PINK1: variants seen among roughly 807,000 people sequenced by gnomAD.
The protein encoded by PINK1 is serine/threonine-protein kinase PINK1, mitochondrial.
A neutral mutation model predicts 56.0 loss-of-function variants in PINK1; 58 were observed. The ratio of observed to expected loss-of-function variants is 1.04; its 90% CI spans 0.84 to 1.29. PINK1 has a LOEUF of 1.29. Among genes scored for constraint, PINK1 ranks in the 50% most tolerant of loss-of-function variants. The pLI is 0.00. For synonymous variants in PINK1, 354 were observed against 339.3 expected (o/e 1.04, Z -0.48); for missense variants, 745 against 777.9 (o/e 0.96, Z 0.50).
In PINK1 at chr1:20,650,663, T is replaced by C. The variant is rs757102843; in HGVS notation, c.1718T>C (p.Leu573Pro). ...GAAACGCTCTGCCAGGCAGCCCTCC[T>C]CCTCTGCTCATGGAGGGCAGCCCTG... ...ECETLCQAAL[L>P]LCSWRAAL The change falls in exon 8 of 8, where the codon CTC (leucine) becomes CCC (proline). Residue 573 changes from leucine to proline, a missense_variant. Leu to Pro is a moderately conservative substitution (Grantham distance 98). Coordinates refer to ENST00000321556, the MANE Select transcript of PINK1 (RefSeq NM_032409.3). 6.2e-7 allele frequency: 1 copy of C among 1,614,058 alleles called. No homozygotes were observed. The highest frequency in any genetic ancestry group is 8.5e-7 in the Non-Finnish European group (1 of 1,180,020).
At chr1:20,635,590 T>C (rs1236213691) in intron 1 of PINK1, among the ~76,000 whole-genome samples, 1 of 151,882 alleles carries the variant, frequency 6.6e-6, no homozygotes, top group Non-Finnish European at 1.5e-5. Context: ...GGCTCATGCC[T>C]GTAATCTCAG....
chr1:20,648,615 T>C lies in PINK1; in HGVS notation c.1234T>C (p.Cys412Arg). Reference sequence around the variant, plus strand: ...GTACGTGGATCGGGGCGGAAACGGCTGTCTGATGGCCCCAGAGGTGAGTCC... The same window carrying C: ...GTACGTGGATCGGGGCGGAAACGGCCGTCTGATGGCCCCAGAGGTGAGTCC... ...SWYVDRGGNG[C>R]LMAPEVSTAR... is the part of the protein sequence containing the mutation. Residue 412 changes from cysteine to arginine, a missense_variant, in exon 6 of 8, where the codon TGT (cysteine) becomes CGT (arginine). Physicochemically the swap from Cys to Arg is radical, Grantham distance 180 (BLOSUM62 -3). Coordinates refer to ENST00000321556, the MANE Select transcript of PINK1 (RefSeq NM_032409.3). The C allele has an allele frequency of 1.2e-6, 2 of 1,614,014 alleles. No individual in the cohort carries two copies. Among genetic ancestry groups the C allele is most frequent in the Non-Finnish European group, 1.7e-6 (2 of 1,180,040 alleles).
At chr1:20,640,396 T>TA (rs1462290136) in intron 3 of PINK1, among the ~76,000 whole-genome samples, 13 of 138,760 alleles carry the variant, frequency 9.4e-5, no homozygotes, top group Middle Eastern at 3.6e-3. Context: ...CCAAGAGATT[T>TA]TAAAAAAAAC....
intron 1 of PINK1, 47 bp from the exon 2 acceptor site, chr1:20,637,795 G>A (rs1012662938): frequency 6.2e-6 from 10 of 1,608,042 alleles, no homozygotes; most frequent in Non-Finnish European, 8.5e-6. Flanking sequence ...CTTTTCTTGG[G>A]CCTTCCTAGG....
rs775311318 is a variant in PINK1 at position 20,649,201 on chromosome 1, G to A, written c.1458G>A (p.Val486=). The A allele has an allele frequency of 7.4e-6, 12 of 1,614,170 alleles. No homozygotes were observed. The South Asian group carries it at 1.3e-4, about 18-fold the overall frequency. The change falls in exon 7 of 8, where the codon GTG becomes GTA. Residue 486 remains valine, a synonymous_variant. Coordinates refer to ENST00000321556, the MANE Select transcript of PINK1 (RefSeq NM_032409.3). ...ESVPPDVRQL[V]RALLQREASK... Reference sequence around the variant, plus strand: ...TGCCTCCAGACGTGAGACAGTTGGTGAGGGCACTGCTCCAGCGAGAGGCCA... The same window carrying A: ...TGCCTCCAGACGTGAGACAGTTGGTAAGGGCACTGCTCCAGCGAGAGGCCA...
chr1:20,650,064 C>T, intron 7 of PINK1: 1 of 352,218 alleles, frequency 2.8e-6, no homozygotes. Context: ...CTGTACGTGG[C>T]CTGCTATCTT....
chr1:20,637,824 A>G lies in PINK1; in HGVS notation c.388-18A>G, dbSNP rs1271147696. On this transcript the variant is annotated intron_variant, in intron 1 of 7. Coordinates refer to ENST00000321556, the MANE Select transcript of PINK1 (RefSeq NM_032409.3). ...TCCTAGGCTCCCTGGCTCACGGTGC[A>G]TTCTTTTCTCATCACAGGCAATTTT... The G allele has an allele frequency of 6.2e-7, 1 of 1,613,490 alleles. No homozygotes were observed.
chr1:20,651,022 C>T lies in PINK1; in HGVS notation c.*331C>T, dbSNP rs1273974222. The T allele has an allele frequency of 5.0e-6, 2 of 397,300 alleles. No individual in the cohort carries two copies. Among genetic ancestry groups the T allele is most frequent in the South Asian group, 2.3e-5 (1 of 43,834 alleles). The allele number at this position is 397,300 out of a possible 1,614,324, so 24.6% of individuals were successfully genotyped here. On this transcript the variant is annotated 3_prime_UTR_variant, in exon 8 of 8. Transcript: ENST00000321556. ...TTGGCTGTGACCTTTGCCCCTAACA[C>T]GAGGAACTCGTTTGAAGGGGGCAGC...
intron 3 of PINK1, among the ~76,000 whole-genome samples, chr1:20,644,049 CTCTCTA>C (rs1342587512): frequency 6.6e-6 from 1 of 152,198 alleles, no homozygotes; most frequent in African/African-American, 2.4e-5. Flanking sequence ...TCTCTCTCCT[CTCTCTA>C]AATATCTTCT....
chr1:20,650,331 T>C (rs905356982), intron 7 of PINK1, 103 bp from the exon 8 acceptor site: 24 of 1,463,686 alleles, frequency 1.6e-5, no homozygotes, highest in African/African-American at 1.4e-4. Context: ...AGAGGAAGAA[T>C]TGGGTTGGGA....
rs752229600 is a variant in PINK1, at chr1:20,650,699, G to C, written c.*8G>C. Reference sequence around the variant, plus strand: ...TGGAGGGCAGCCCTGTGATGTCCCTGCATGGAGCTGGTGAATTACTAAAAG... The same window carrying C: ...TGGAGGGCAGCCCTGTGATGTCCCTCCATGGAGCTGGTGAATTACTAAAAG... On this transcript the variant is annotated 3_prime_UTR_variant, in exon 8 of 8. Transcript: ENST00000321556. 6.2e-7 allele frequency: 1 copy of C among 1,612,480 alleles called. No individual in the cohort carries two copies. The highest frequency in any genetic ancestry group is 1.3e-5 in the African/African-American group (1 of 74,950).
At chr1:20,638,320 C>G in intron 2 of PINK1, 191 bp downstream of exon 2, 1 of 681,210 alleles carries the variant, frequency 1.5e-6, no homozygotes, top group Non-Finnish European at 2.4e-6. Flanking sequence ...TGTATTCTGC[C>G]CACAGATCAC....
intron 1 of PINK1, among the ~76,000 whole-genome samples, chr1:20,637,339 G>A (rs543383529): frequency 3.7e-4 from 54 of 146,898 alleles, no homozygotes; most frequent in East Asian, 1.0e-3. Flanking sequence ...TAGCCTCATC[G>A]GGGCCCTAAG....
chr1:20,634,260 A>T (rs2053031419), intron 1 of PINK1, among the ~76,000 whole-genome samples: 1 of 152,150 alleles, frequency 6.6e-6, no homozygotes, highest in Non-Finnish European at 1.5e-5. Context: ...TATCCCTTTG[A>T]GGTAGTTGCC....
chr1:20,637,333 C>T (rs923580784), intron 1 of PINK1, among the ~76,000 whole-genome samples: 4 of 150,398 alleles, frequency 2.7e-5, no homozygotes, highest in Non-Finnish European at 3.0e-5. Flanking sequence ...ACAGAGTAGC[C>T]TCATCGGGGC....
intron 2 of PINK1, 61 bp downstream of exon 2, chr1:20,638,190 C>G (rs533101062): frequency 1.1e-4 from 173 of 1,560,370 alleles, no homozygotes; most frequent in Non-Finnish European, 1.5e-4. Context: ...CTTAGTGGGC[C>G]TGGTGAGGAT....
chr1:20,645,860 TA>T, intron 5 of PINK1, 137 bp downstream of exon 5: 1 of 1,156,430 alleles, frequency 8.6e-7, no homozygotes, highest in Non-Finnish European at 1.2e-6. Context: ...CACAAGAGGT[TA>T]GCAATCTCTC....
At chr1:20,637,328 G>A (rs1040441064) in intron 1 of PINK1, among the ~76,000 whole-genome samples, 5 of 151,604 alleles carry the variant, frequency 3.3e-5, no homozygotes, top group Non-Finnish European at 7.4e-5. Context: ...TCTGGACAGA[G>A]TAGCCTCATC....
chr1:20,634,046 G>A lies in PINK1; in HGVS notation c.387+111G>A, dbSNP rs1034551549. 5.9e-5 allele frequency: 79 copies of A among 1,328,840 alleles called. No individual in the cohort carries two copies. The Middle Eastern group carries it at 1.3e-3, about 22-fold the overall frequency. The allele number at this position is 1,328,840 out of a possible 1,614,324, so 82.3% of individuals were successfully genotyped here. A position where few individuals can be genotyped will look rare whatever the true frequency, so the allele number is the denominator to read the frequency against. On this transcript the variant is annotated intron_variant, in intron 1 of 7. Coordinates refer to ENST00000321556, the MANE Select transcript of PINK1 (RefSeq NM_032409.3). ...GTGGAGGCGGGGCTCTGAGCAGATC[G>A]AGGGCCGAGGCGAGGGTCCTTAAAG... is the stretch of plus-strand genomic sequence containing the variant.
Sources: allele counts gnomAD v4.1 joint callset (sites outside exome capture counted in the v4.1 genomes callset), GRCh38; gene constraint gnomAD v4.1.1; transcripts MANE v1.5; gene names NCBI Gene and HGNC (gene_info 2026-07-23, HGNC 2026-07-21).